The following FSTL4 variants were observed in gnomAD, a reference collection of about 807,000 sequenced individuals.
FSTL4 encodes follistatin like 4.
Under a neutral mutation model 78.2 loss-of-function variants are expected in FSTL4, and 28 were observed. The ratio of observed to expected loss-of-function variants is 0.36; its 90% CI spans 0.27 to 0.49. The LOEUF is 0.49. Among genes scored for constraint, FSTL4 ranks in the 20% least tolerant of loss-of-function variants. The probability of loss-of-function intolerance (pLI) is 0.98; values close to 1 mark genes in which losing one functional copy is unlikely to be tolerated. For synonymous variants in FSTL4, 422 were observed against 440.5 expected, an observed-to-expected ratio of 0.96 and a Z score of 0.53; for missense variants, 922 against 1,084.9, an observed-to-expected ratio of 0.85 and a Z score of 2.11.
At chr5:133,511,591 G>A (rs1758732530) in intron 3 of FSTL4, among the ~76,000 whole-genome samples, 2 of 152,166 alleles carry the variant, frequency 1.3e-5, no homozygotes, top group Non-Finnish European at 2.9e-5. Flanking sequence ...CATCCTAAGA[G>A]GTGAGCAGAG....
rs1420573169 is a variant in FSTL4, at chr5:133,338,287, T to C, written c.410-21635A>G. On this transcript the variant is annotated intron_variant, in intron 4 of 15. Transcript: ENST00000265342. This position sits in a 1 kb window ranked among gnomAD's most constrained non-coding sequence, Gnocchi z 4.0. Reference sequence around the variant, plus strand: ...GCCCTGGTGGGGTGTGCTGACCCATTTATGCCAGTGCACACTCTGGACTGG... The same window carrying C: ...GCCCTGGTGGGGTGTGCTGACCCATCTATGCCAGTGCACACTCTGGACTGG... Among the ~76,000 whole-genome samples, 3 of 152,094 alleles carry C rather than the reference T, an allele frequency of 2.0e-5. No homozygotes were observed. Among genetic ancestry groups the C allele is most frequent in the African/African-American group, 4.8e-5 (2 of 41,396 alleles).
At chr5:133,316,166 A>G (rs2126891688) in intron 5 of FSTL4, among the ~76,000 whole-genome samples, 1 of 152,344 alleles carries the variant, frequency 6.6e-6, no homozygotes, top group African/African-American at 2.4e-5. Context: ...GCTTCCTTGT[A>G]ACTTTTCTGC....
At chr5:133,559,205 ATAAT>A (rs1759862485) in intron 3 of FSTL4, among the ~76,000 whole-genome samples, 1 of 152,242 alleles carries the variant, frequency 6.6e-6, no homozygotes, top group Non-Finnish European at 1.5e-5. Context: ...TAACTCACAG[ATAAT>A]TAACCCCAGA....
chr5:133,570,950 G>T (rs1209706881), intron 2 of FSTL4, among the ~76,000 whole-genome samples: 1 of 152,080 alleles, frequency 6.6e-6, no homozygotes, highest in Non-Finnish European at 1.5e-5. Flanking sequence ...TACCAAAGAA[G>T]CCAGAAAATG....
chr5:133,447,706 A>AT (rs1184196650), intron 3 of FSTL4, among the ~76,000 whole-genome samples: 2 of 152,010 alleles, frequency 1.3e-5, no homozygotes, highest in African/African-American at 2.4e-5. Flanking sequence ...CATTCAACTA[A>AT]TTTTTGTATT....
intron 4 of FSTL4, among the ~76,000 whole-genome samples, chr5:133,337,496 G>A (rs1754490983): frequency 6.6e-6 from 1 of 152,170 alleles, no homozygotes; most frequent in Non-Finnish European, 1.5e-5. Flanking sequence ...TATCTGGATT[G>A]CATCCACCTG....
chr5:133,824,354 A>C, the FSTL4 span, among the ~76,000 whole-genome samples: 1 of 152,218 alleles, frequency 6.6e-6, no homozygotes. Context: ...GAAACGCTTT[A>C]CTTACATTTA....
the FSTL4 span, among the ~76,000 whole-genome samples, chr5:133,685,626 G>A: frequency 1.3e-5 from 2 of 152,228 alleles, no homozygotes; most frequent in East Asian, 3.8e-4. Context: ...CACCCAGGAG[G>A]GAACTGCCTC....
At chr5:133,633,403 T>C in the FSTL4 span, among the ~76,000 whole-genome samples, 1 of 152,246 alleles carries the variant, frequency 6.6e-6, no homozygotes, top group African/African-American at 2.4e-5. Context: ...AATCTGCTAT[T>C]GAACCCATTC....
intron 4 of FSTL4, among the ~76,000 whole-genome samples, chr5:133,399,110 T>C (rs983954373): frequency 6.6e-6 from 1 of 152,158 alleles, no homozygotes; most frequent in Non-Finnish European, 1.5e-5. Context: ...AGGGAGGGTG[T>C]GCACACTCTG....
At chr5:133,265,632 T>C (rs1157938980) in intron 6 of FSTL4, among the ~76,000 whole-genome samples, 1 of 152,300 alleles carries the variant, frequency 6.6e-6, no homozygotes, top group East Asian at 1.9e-4. Flanking sequence ...AAATTTGCCA[T>C]GTGGTGGGTT....
intron 3 of FSTL4, among the ~76,000 whole-genome samples, chr5:133,513,960 C>T (rs566982446): frequency 5.3e-5 from 8 of 152,158 alleles, no homozygotes; most frequent in East Asian, 1.9e-4. Context: ...CGGTGGATCA[C>T]GAGGTCAGGA....
chr5:133,569,038 T>A (rs1035953050), intron 2 of FSTL4, among the ~76,000 whole-genome samples: 1 of 152,192 alleles, frequency 6.6e-6, no homozygotes, highest in African/African-American at 2.4e-5. Flanking sequence ...ATAAATGGGA[T>A]GTTCTCTTAT....
the FSTL4 span, among the ~76,000 whole-genome samples, chr5:133,817,270 G>T: frequency 6.6e-6 from 1 of 152,234 alleles, no homozygotes; most frequent in Non-Finnish European, 1.5e-5. Context: ...GAGCCAGGGT[G>T]TGCAAACCTT....
At chr5:133,579,801 T>C (rs1005783260) in intron 2 of FSTL4, among the ~76,000 whole-genome samples, 1 of 152,176 alleles carries the variant, frequency 6.6e-6, no homozygotes, top group Admixed American at 6.5e-5. Flanking sequence ...AGTCCTCATG[T>C]CTGAGTCTAT....
chr5:133,755,912 T>C, the FSTL4 span, among the ~76,000 whole-genome samples: 3 of 152,210 alleles, frequency 2.0e-5, no homozygotes, highest in Non-Finnish European at 4.4e-5. Context: ...TCACTGTCAT[T>C]TATCCATTTC....
chr5:133,421,560 G>A (rs748322659), intron 3 of FSTL4, among the ~76,000 whole-genome samples: 3 of 152,234 alleles, frequency 2.0e-5, no homozygotes, highest in Non-Finnish European at 2.9e-5. Flanking sequence ...CATTCCACGG[G>A]GTGGCCATTG....
intron 8 of FSTL4, among the ~76,000 whole-genome samples, chr5:133,230,028 G>A (rs1751447110): frequency 6.6e-6 from 1 of 152,210 alleles, no homozygotes; most frequent in Non-Finnish European, 1.5e-5. Flanking sequence ...GCTTCCTGAT[G>A]TCTATGGTGC....
At chr5:133,487,862 C>T (rs1278636541) in intron 3 of FSTL4, among the ~76,000 whole-genome samples, 9 of 152,146 alleles carry the variant, frequency 5.9e-5, no homozygotes, top group Admixed American at 1.3e-4. Context: ...CTGCAGACAC[C>T]GGGTCTGGCT....
Sources: allele counts gnomAD v4.1 joint callset (sites outside exome capture counted in the v4.1 genomes callset), GRCh38; gene constraint gnomAD v4.1.1; non-coding constraint Gnocchi (gnomAD v3.1); transcripts MANE v1.5; gene names NCBI Gene and HGNC (gene_info 2026-07-23, HGNC 2026-07-21).